GCNT1: variants seen among roughly 807,000 people sequenced by gnomAD.
The protein encoded by GCNT1 is beta-1,3-galactosyl-O-glycosyl-glycoprotein beta-1,6-N-acetylglucosaminyltransferase.
In GCNT1, 16 loss-of-function variants were observed where a neutral mutation model predicts 26.2. The ratio of observed to expected loss-of-function variants is 0.61; its 90% CI spans 0.41 to 0.93. The LOEUF is 0.93. GCNT1 is among the 40% of genes least tolerant of loss of function. The pLI is 0.00. For missense variants in GCNT1, 477 were observed against 526.7 expected (o/e 0.91, Z 0.92); for synonymous variants, 183 against 190.8 (o/e 0.96, Z 0.34).
chr9:76,407,643 T>C, the GCNT1 span, among the ~76,000 whole-genome samples: 1 of 152,224 alleles, frequency 6.6e-6, no homozygotes, highest in African/African-American at 2.4e-5. Context: ...AGTTTGTCAA[T>C]ATCACAAAAT....
At chr9:76,412,477 G>A in the GCNT1 span, among the ~76,000 whole-genome samples, 3 of 152,098 alleles carry the variant, frequency 2.0e-5, no homozygotes, top group African/African-American at 7.2e-5. Flanking sequence ...CTTAGTGTTT[G>A]TTGGTCTCAG....
chr9:76,504,765 T>A lies in GCNT1; in HGVS notation c.*1097T>A. ...CACCTGTATATTCATTTGAAAGGAC[T>A]TGGCCCTGTTCTTGGGTCTTCCCGT... On this transcript the variant is annotated 3_prime_UTR_variant, in exon 4 of 4. Coordinates refer to ENST00000376730, the MANE Select transcript of GCNT1 (RefSeq NM_001490.5). 7.3e-6 allele frequency: 3 copies of A among 413,532 alleles called. No homozygotes were observed. The highest frequency in any genetic ancestry group is 8.8e-6 in the Non-Finnish European group (2 of 226,148). 25.6% of individuals were successfully genotyped at this position (413,532 alleles called of 1,614,324 possible).
intron 2 of GCNT1, among the ~76,000 whole-genome samples, chr9:76,479,778 C>A (rs576973796): frequency 6.6e-6 from 1 of 152,302 alleles, no homozygotes; most frequent in East Asian, 1.9e-4. Context: ...GAGTAGATTG[C>A]AAAAATTTTC....
At chr9:76,443,919 AAGAAAGGAAGAAAGGAAGG>A (rs1313303380) in intron 1 of GCNT1, among the ~76,000 whole-genome samples, 3 of 66,068 alleles carry the variant, frequency 4.5e-5, no homozygotes, top group African/African-American at 1.8e-4. Flanking sequence ...GGAAGAAAGG[AAGAAAGGAAGAAAGGAAGG>A]AAGGAAGGAA....
At chr9:76,428,452 A>G (rs1026567945) in intron 1 of GCNT1, among the ~76,000 whole-genome samples, 5 of 151,936 alleles carry the variant, frequency 3.3e-5, no homozygotes, top group African/African-American at 1.2e-4. Flanking sequence ...TGAGAATAAT[A>G]TGAATACCTA....
the GCNT1 span, among the ~76,000 whole-genome samples, chr9:76,408,334 G>C: frequency 6.6e-6 from 1 of 151,900 alleles, no homozygotes; most frequent in Admixed American, 6.6e-5. Context: ...ATGGGTATTG[G>C]TTTTATCAAA....
At chr9:76,428,183 G>A (rs997799527) in intron 1 of GCNT1, among the ~76,000 whole-genome samples, 10 of 147,604 alleles carry the variant, frequency 6.8e-5, no homozygotes, top group South Asian at 4.3e-4. Context: ...GGAGAATGGC[G>A]TGAGCCCGGG....
chr9:76,438,008 A>G (rs144528170), upstream of GCNT1, among the ~76,000 whole-genome samples: 162 of 152,316 alleles, frequency 1.1e-3, no homozygotes, highest in African/African-American at 3.8e-3. Flanking sequence ...GGACTAATGG[A>G]TTTTCAGAAA....
chr9:76,439,311 G>A (rs1461660654), upstream of GCNT1, among the ~76,000 whole-genome samples: 12 of 138,826 alleles, frequency 8.6e-5, no homozygotes, highest in Admixed American at 9.1e-4. Flanking sequence ...TGCAACCTCT[G>A]CCTCCCAGGT....
intron 1 of GCNT1, among the ~76,000 whole-genome samples, chr9:76,427,590 C>T (rs372799269): frequency 1.7e-4 from 26 of 152,088 alleles, no homozygotes; most frequent in African/African-American, 5.6e-4. Flanking sequence ...ATCAGTTATA[C>T]TTTTGAGAAT....
chr9:76,499,408 A>T (rs944850464), intron 2 of GCNT1, among the ~76,000 whole-genome samples: 1 of 152,164 alleles, frequency 6.6e-6, no homozygotes, highest in Non-Finnish European at 1.5e-5. Context: ...GATTACAGGC[A>T]TGAGCCACCA....
At chr9:76,461,491 G>A (rs1260541667) in intron 2 of GCNT1, among the ~76,000 whole-genome samples, 1 of 151,880 alleles carries the variant, frequency 6.6e-6, no homozygotes, top group East Asian at 1.9e-4. Context: ...GGCTGAGACG[G>A]AGAATTGCTT....
the GCNT1 span, among the ~76,000 whole-genome samples, chr9:76,404,152 A>G: frequency 1.3e-5 from 2 of 152,316 alleles, no homozygotes; most frequent in Non-Finnish European, 2.9e-5. Flanking sequence ...TGTGACCGTG[A>G]TGGCAAAAAT....
At chr9:76,494,347 T>C (rs183718631) in intron 2 of GCNT1, among the ~76,000 whole-genome samples, 7 of 152,236 alleles carry the variant, frequency 4.6e-5, no homozygotes, top group Admixed American at 4.6e-4. Flanking sequence ...CCTGTTAGTA[T>C]TGGGACCTTA....
chr9:76,478,116 G>A (rs1824299706), intron 2 of GCNT1, among the ~76,000 whole-genome samples: 1 of 152,222 alleles, frequency 6.6e-6, no homozygotes, highest in Non-Finnish European at 1.5e-5. Flanking sequence ...CAGGATGTGG[G>A]TGGGGACAAA....
intron 1 of GCNT1, among the ~76,000 whole-genome samples, chr9:76,452,693 C>G (rs576781954): frequency 6.6e-6 from 1 of 152,108 alleles, no homozygotes; most frequent in Non-Finnish European, 1.5e-5. Flanking sequence ...TGGTGCTAAA[C>G]CATTAGAAAC....
chr9:76,414,394 C>A, the GCNT1 span, among the ~76,000 whole-genome samples: 6 of 152,228 alleles, frequency 3.9e-5, no homozygotes, highest in South Asian at 2.1e-4. Flanking sequence ...AGTCCAGACC[C>A]CAAGAGAGGG....
rs1825226322 is a variant in GCNT1 at position 76,505,922 on chromosome 9, A to G, written c.*2254A>G. On this transcript the variant is annotated 3_prime_UTR_variant, in exon 4 of 4. Coordinates refer to ENST00000376730, the MANE Select transcript of GCNT1 (RefSeq NM_001490.5). The stretch of plus-strand genomic sequence containing the variant: ...TATAACTGTAAACTTACCATCTTCT[A>G]TGTAGCTGTGATATCTCATCTTTCT... 6.0e-6 allele frequency: 1 copy of G among 166,566 alleles called. No homozygotes were observed. The highest frequency in any genetic ancestry group is 1.5e-5 in the Non-Finnish European group (1 of 68,132). 10.3% of individuals were successfully genotyped at this position (166,566 alleles called of 1,614,324 possible).
intron 2 of GCNT1, among the ~76,000 whole-genome samples, chr9:76,491,029 T>G (rs934663904): frequency 4.6e-5 from 7 of 152,250 alleles, no homozygotes; most frequent in African/African-American, 1.7e-4. Flanking sequence ...TTATCAATTA[T>G]AGGTTTTTAA....
Sources: allele counts gnomAD v4.1 joint callset (sites outside exome capture counted in the v4.1 genomes callset), GRCh38; gene constraint gnomAD v4.1.1; transcripts MANE v1.5; gene names NCBI Gene and HGNC (gene_info 2026-07-23, HGNC 2026-07-21).